TRPS1: variants seen among roughly 807,000 people sequenced by gnomAD.
TRPS1 encodes the protein zinc finger transcription factor Trps1.
Under a neutral mutation model 101.2 loss-of-function variants are expected in TRPS1, and 6 were observed. The ratio of observed to expected loss-of-function variants is 0.06; its 90% CI spans 0.03 to 0.12. TRPS1 has a LOEUF of 0.12. Among genes scored for constraint, TRPS1 ranks in the 10% least tolerant of loss-of-function variants. The pLI is 1.00. For missense variants in TRPS1, 1,363 were observed against 1,567.0 expected (o/e 0.87, Z 2.20); for synonymous variants, 578 against 589.8 (o/e 0.98, Z 0.29).
At chr8:115,577,851 T>C (rs1817356456) in intron 5 of TRPS1, among the ~76,000 whole-genome samples, 1 of 152,134 alleles carries the variant, frequency 6.6e-6, no homozygotes, top group East Asian at 1.9e-4. Flanking sequence ...GCCCATGCCA[T>C]TACCCACACA....
At chr8:115,603,044 T>C (rs901224563) in intron 4 of TRPS1, among the ~76,000 whole-genome samples, 2 of 152,216 alleles carry the variant, frequency 1.3e-5, no homozygotes, top group Admixed American at 1.3e-4. Flanking sequence ...GTAAGTTCCA[T>C]GAGGGCACTG....
intron 1 of TRPS1, among the ~76,000 whole-genome samples, chr8:115,665,891 G>T (rs893818256): frequency 1.3e-5 from 2 of 152,098 alleles, no homozygotes; most frequent in Non-Finnish European, 2.9e-5. Flanking sequence ...TAGGTATTAT[G>T]TATGGAAAAG....
At chr8:115,420,226 T>C (rs372672963) in intron 5 of TRPS1, among the ~76,000 whole-genome samples, 2 of 152,246 alleles carry the variant, frequency 1.3e-5, no homozygotes, top group African/African-American at 4.8e-5. Context: ...ATAGCAAATG[T>C]TGGGTGTCAG....
intron 5 of TRPS1, among the ~76,000 whole-genome samples, chr8:115,448,611 A>T (rs1813794912): frequency 6.6e-6 from 1 of 152,216 alleles, no homozygotes; most frequent in Non-Finnish European, 1.5e-5. Context: ...GAGATAGACA[A>T]TGCACTTGAA....
At chr8:115,510,884 T>C (rs1397568916) in intron 5 of TRPS1, among the ~76,000 whole-genome samples, 3 of 151,936 alleles carry the variant, frequency 2.0e-5, no homozygotes, top group Admixed American at 6.6e-5. Context: ...GAAAGCTTCA[T>C]TCAACTGAAG....
At chr8:115,543,427 A>AT (rs1172651106) in intron 5 of TRPS1, among the ~76,000 whole-genome samples, 1 of 152,030 alleles carries the variant, frequency 6.6e-6, no homozygotes, top group Non-Finnish European at 1.5e-5. Flanking sequence ...AGATCCAATA[A>AT]TTTTTTTTAA....
At chr8:115,490,692 G>A (rs963226041) in intron 5 of TRPS1, among the ~76,000 whole-genome samples, 1 of 152,076 alleles carries the variant, frequency 6.6e-6, no homozygotes, top group East Asian at 1.9e-4. Context: ...CAAAGAATTC[G>A]ATTGTCTTAG....
At chr8:115,528,530 C>T (rs2130255194) in intron 5 of TRPS1, among the ~76,000 whole-genome samples, 1 of 152,056 alleles carries the variant, frequency 6.6e-6, no homozygotes, top group Non-Finnish European at 1.5e-5. Flanking sequence ...TCAAACACAC[C>T]TGATCTCTAA....
chr8:115,546,035 T>A (rs1411290456), intron 5 of TRPS1, among the ~76,000 whole-genome samples: 1 of 152,080 alleles, frequency 6.6e-6, no homozygotes, highest in Non-Finnish European at 1.5e-5. Context: ...ATCCCTCACC[T>A]AAAGAAAAAG....
intron 5 of TRPS1, among the ~76,000 whole-genome samples, chr8:115,422,425 G>A (rs1002020255): frequency 6.6e-6 from 1 of 151,566 alleles, no homozygotes; most frequent in Non-Finnish European, 1.5e-5. Flanking sequence ...GGAGGGCAGT[G>A]GCGCGATCTC....
chr8:115,560,652 A>T (rs1286351969), intron 5 of TRPS1, among the ~76,000 whole-genome samples: 4 of 152,118 alleles, frequency 2.6e-5, no homozygotes, highest in Non-Finnish European at 5.9e-5. Flanking sequence ...TACTTTTATC[A>T]ACTCTGGGTA....
chr8:115,521,764 T>A (rs1815868245), intron 5 of TRPS1, among the ~76,000 whole-genome samples: 1 of 151,930 alleles, frequency 6.6e-6, no homozygotes, highest in South Asian at 2.1e-4. Context: ...CATTCTTGAA[T>A]AAGGATATAA....
intron 5 of TRPS1, among the ~76,000 whole-genome samples, chr8:115,490,674 T>TATCAGCCCA (rs1307762466): frequency 2.0e-5 from 3 of 152,178 alleles, no homozygotes; most frequent in Non-Finnish European, 4.4e-5. Context: ...TTCACAGGTG[T>TATCAGCCCA]ATCAGCCCAA....
At position 115,418,293 on chromosome 8, in the gene TRPS1, AT is replaced by A. The variant is rs766123908; in HGVS notation, c.2823+36del. The stretch of plus-strand genomic sequence containing the variant: ...CCACAGACCAGGCCAACACTGCTTT[AT>A]AAAGCTTTTCCTGAAAGAGTGGAAC... On this transcript the variant is annotated intron_variant, in intron 6 of 6. Coordinates refer to ENST00000395715, the MANE Select transcript of TRPS1 (RefSeq NM_014112.5). The surrounding 1 kb of genome is among the most constrained non-coding windows in gnomAD (Gnocchi z 4.3). 3.3e-5 allele frequency: 53 copies of A among 1,613,976 alleles called. No individual in the cohort carries two copies. The highest frequency in any genetic ancestry group is 8.3e-5 in the Admixed American group (5 of 60,020).
At chr8:115,517,382 A>G (rs1372955592) in intron 5 of TRPS1, among the ~76,000 whole-genome samples, 1 of 151,636 alleles carries the variant, frequency 6.6e-6, no homozygotes, top group Non-Finnish European at 1.5e-5. Flanking sequence ...CAGCTATTAT[A>G]AGCAGATCAC....
chr8:115,630,400 A>T (rs1371513167), intron 1 of TRPS1, among the ~76,000 whole-genome samples: 1 of 151,846 alleles, frequency 6.6e-6, no homozygotes, highest in East Asian at 1.9e-4. Context: ...TTTAGAAAAG[A>T]TTTTCACCAT....
rs1812846513 is a variant in TRPS1, at chr8:115,413,884, A to G, written c.*139T>C. The G allele has an allele frequency of 1.2e-6, 1 of 832,002 alleles. No individual in the cohort carries two copies. The highest frequency in any genetic ancestry group is 1.7e-5 in the African/African-American group (1 of 57,846). 51.5% of individuals were successfully genotyped at this position (832,002 alleles called of 1,614,324 possible). Reference sequence around the variant, plus strand: ...TAACCTACTCATCAAAAGAAAGAATAACAAAAGAAGGGAATTTCATGTTGG... The same window carrying G: ...TAACCTACTCATCAAAAGAAAGAATGACAAAAGAAGGGAATTTCATGTTGG... On this transcript the variant is annotated 3_prime_UTR_variant, in exon 7 of 7. Transcript: ENST00000395715.
At chr8:115,499,352 CG>C (rs1300905048) in intron 5 of TRPS1, among the ~76,000 whole-genome samples, 1 of 151,978 alleles carries the variant, frequency 6.6e-6, no homozygotes, top group Non-Finnish European at 1.5e-5. Flanking sequence ...AACAATTTTT[CG>C]TTGTTTTCAT....
chr8:115,415,108 T>C (rs758360862), intron 6 of TRPS1, 24 bp from the exon 7 acceptor site: 1 of 1,578,674 alleles, frequency 6.3e-7, no homozygotes, highest in Non-Finnish European at 8.6e-7. Flanking sequence ...ATACAATACA[T>C]AAAAGGAAAA....
Sources: allele counts gnomAD v4.1 joint callset (sites outside exome capture counted in the v4.1 genomes callset), GRCh38; gene constraint gnomAD v4.1.1; non-coding constraint Gnocchi (gnomAD v3.1); transcripts MANE v1.5; gene names NCBI Gene and HGNC (gene_info 2026-07-23, HGNC 2026-07-21).